Variants in TRABD2B observed in about 807,000 individuals in gnomAD.
The protein encoded by TRABD2B is metalloprotease TIKI2.
In TRABD2B, 14 loss-of-function variants were observed where a neutral mutation model predicts 40.1. The observed-to-expected ratio is 0.35, with a 90% CI of 0.23 to 0.55. TRABD2B has a LOEUF of 0.55. Ranked by LOEUF, TRABD2B falls within the 20% of genes least tolerant of loss-of-function variation. The probability of loss-of-function intolerance (pLI) is 0.90; values close to 1 mark genes in which losing one functional copy is unlikely to be tolerated. For missense variants in TRABD2B, 541 were observed against 648.6 expected (o/e 0.83, Z 1.80); for synonymous variants, 263 against 277.0 (o/e 0.95, Z 0.50).
rs557492911 is a variant in TRABD2B at position 47,805,664 on chromosome 1, T to C, written c.667-4045A>G. Among the ~76,000 whole-genome samples the C allele has an allele frequency of 5.9e-5, 9 of 152,318 alleles. No homozygotes were observed. In the South Asian group the frequency reaches 1.9e-3, roughly 32 times the overall value. On this transcript the variant is annotated intron_variant, in intron 2 of 6. Coordinates refer to ENST00000606738, the MANE Select transcript of TRABD2B (RefSeq NM_001194986.2). ...TTACACCTCCTGCCCCGTACCATCATTTTGCAATTTATAAAGAAGTCTTCA... is the reference window on the plus strand; with the variant it reads ...TTACACCTCCTGCCCCGTACCATCACTTTGCAATTTATAAAGAAGTCTTCA...
chr1:47,828,747 T>A (rs139810570), intron 2 of TRABD2B, among the ~76,000 whole-genome samples: 2 of 152,076 alleles, frequency 1.3e-5, no homozygotes, highest in African/African-American at 2.4e-5. Context: ...AATAGCAACA[T>A]TGGGTGAGCC....
chr1:47,925,043 T>G (rs942978209), intron 2 of TRABD2B, among the ~76,000 whole-genome samples: 9 of 152,160 alleles, frequency 5.9e-5, no homozygotes, highest in Non-Finnish European at 1.3e-4. Context: ...AACTGAATCT[T>G]TCTCTTAATA....
chr1:47,773,728 C>T (rs1030955186), intron 6 of TRABD2B, among the ~76,000 whole-genome samples: 4 of 152,276 alleles, frequency 2.6e-5, no homozygotes, highest in South Asian at 2.1e-4. Context: ...TACCCAGTCT[C>T]GGGTATGTCT....
rs184167363 is a variant in TRABD2B, at chr1:47,948,817, G to A, written c.666+45217C>T. On this transcript the variant is annotated intron_variant, in intron 2 of 6. Coordinates refer to ENST00000606738, the MANE Select transcript of TRABD2B (RefSeq NM_001194986.2). ...TTAGTTCCTTACACCCGCCACTTCT[G>A]TGCATCTGAATCATCTCTCTCACCA... Among the ~76,000 whole-genome samples the A allele has an allele frequency of 2.0e-4, 31 of 152,116 alleles. No homozygotes were observed. In the East Asian group the frequency reaches 5.8e-3, roughly 28 times the overall value.
At chr1:47,844,484 A>G (rs921935644) in intron 2 of TRABD2B, among the ~76,000 whole-genome samples, 1 of 151,778 alleles carries the variant, frequency 6.6e-6, no homozygotes, top group African/African-American at 2.4e-5. Context: ...TAGCCCTCCA[A>G]CTCCAATCCC....
chr1:47,773,553 T>C (rs938316729), intron 6 of TRABD2B, among the ~76,000 whole-genome samples: 26 of 152,260 alleles, frequency 1.7e-4, no homozygotes, highest in African/African-American at 6.3e-4. Flanking sequence ...ATAAGTCTCA[T>C]GAGATCTGAA....
At chr1:47,803,468 C>T (rs918167301) in intron 2 of TRABD2B, among the ~76,000 whole-genome samples, 7 of 152,188 alleles carry the variant, frequency 4.6e-5, no homozygotes, top group African/African-American at 1.4e-4. Flanking sequence ...GCAGAGCCGT[C>T]CAGCGAAGGC....
intron 2 of TRABD2B, among the ~76,000 whole-genome samples, 179 bp downstream of exon 2, chr1:47,993,855 C>G (rs895460476): frequency 6.6e-6 from 1 of 152,192 alleles, no homozygotes; most frequent in Non-Finnish European, 1.5e-5. Flanking sequence ...ATACGCCACT[C>G]TCAACTGATA....
intron 2 of TRABD2B, among the ~76,000 whole-genome samples, chr1:47,897,998 G>GTATC (rs1644547556): frequency 6.6e-6 from 1 of 152,046 alleles, no homozygotes; most frequent in Non-Finnish European, 1.5e-5. Flanking sequence ...TTTTCCTTCA[G>GTATC]TATCTACACT....
At chr1:47,867,242 C>G (rs1644072245) in intron 2 of TRABD2B, among the ~76,000 whole-genome samples, 1 of 152,122 alleles carries the variant, frequency 6.6e-6, no homozygotes, top group South Asian at 2.1e-4. Flanking sequence ...GCTTCCATAT[C>G]TATATCTTTT....
chr1:47,887,302 T>C (rs1644383722), intron 2 of TRABD2B, among the ~76,000 whole-genome samples: 1 of 152,152 alleles, frequency 6.6e-6, no homozygotes, highest in South Asian at 2.1e-4. Flanking sequence ...AGTGGAGAAC[T>C]GGAATTCCAT....
chr1:47,905,829 A>G (rs1163773875), intron 2 of TRABD2B, among the ~76,000 whole-genome samples: 1 of 152,136 alleles, frequency 6.6e-6, no homozygotes, highest in Non-Finnish European at 1.5e-5. Flanking sequence ...CCAATACTGA[A>G]CCAGCTGCAG....
chr1:47,923,593 A>G (rs941677989), intron 2 of TRABD2B, among the ~76,000 whole-genome samples: 8 of 152,166 alleles, frequency 5.3e-5, no homozygotes, highest in African/African-American at 1.9e-4. Flanking sequence ...TGGTATCCAG[A>G]TATTTGGTCA....
chr1:47,901,227 A>G (rs1021854233), intron 2 of TRABD2B, among the ~76,000 whole-genome samples: 1 of 152,210 alleles, frequency 6.6e-6, no homozygotes, highest in Non-Finnish European at 1.5e-5. Context: ...AACAATTTGC[A>G]AGAGTCACCA....
At chr1:47,831,446 G>A (rs570592419) in intron 2 of TRABD2B, among the ~76,000 whole-genome samples, 32 of 152,220 alleles carry the variant, frequency 2.1e-4, no homozygotes, top group African/African-American at 7.2e-4. Context: ...TTGTGTGTTC[G>A]CAGGCATGTG....
intron 2 of TRABD2B, among the ~76,000 whole-genome samples, chr1:47,843,023 T>C (rs974907874): frequency 6.6e-6 from 1 of 151,926 alleles, no homozygotes; most frequent in Non-Finnish European, 1.5e-5. Context: ...TGAAGGAGCA[T>C]GGCAGCTGCC....
intron 2 of TRABD2B, among the ~76,000 whole-genome samples, chr1:47,844,944 A>C (rs769207900): frequency 3.3e-5 from 5 of 152,134 alleles, no homozygotes; most frequent in Admixed American, 6.5e-5. Flanking sequence ...ACAGAAGTAC[A>C]CCTGGTCACA....
At chr1:47,937,513 C>CCAT (rs1645129235) in intron 2 of TRABD2B, among the ~76,000 whole-genome samples, 1 of 152,132 alleles carries the variant, frequency 6.6e-6, no homozygotes, top group African/African-American at 2.4e-5. Flanking sequence ...GTCATCACCA[C>CCAT]CATCATCATC....
chr1:47,985,800 A>G (rs569920189), intron 2 of TRABD2B, among the ~76,000 whole-genome samples: 5 of 152,234 alleles, frequency 3.3e-5, no homozygotes, highest in African/African-American at 1.2e-4. Context: ...CATGGATAAA[A>G]GTCTTGCTGT....
Sources: gnomAD v4.1 joint callset for allele counts (sites outside exome capture counted in the v4.1 genomes callset) on GRCh38, gnomAD v4.1.1 for gene constraint, MANE v1.5 for transcripts, NCBI Gene and HGNC (gene_info 2026-07-23, HGNC 2026-07-21) for gene names.